The following RNF216 variants were observed in gnomAD, a reference collection of about 807,000 sequenced individuals.
RNF216 encodes E3 ubiquitin-protein ligase RNF216.
RNF216 carries 72 observed loss-of-function variants against 110.8 expected under a neutral mutation model. That is an observed-to-expected ratio of 0.65 (90% CI 0.54 to 0.79). The LOEUF is 0.79. Among genes scored for constraint, RNF216 ranks in the 30% least tolerant of loss-of-function variants. The probability of loss-of-function intolerance (pLI) is 0.00; values close to 1 mark genes in which losing one functional copy is unlikely to be tolerated. For synonymous variants in RNF216, 495 were observed against 407.5 expected (o/e 1.21, Z -2.59); for missense variants, 1,342 against 1,141.2 (o/e 1.18, Z -2.54).
rs555160805 is a variant in RNF216 at position 5,737,317 on chromosome 7, A to C, written c.1121+1959T>G. 1.1e-4 allele frequency among the ~76,000 whole-genome samples: 16 copies of C among 152,232 alleles called. No homozygotes were observed. The South Asian group carries it at 1.2e-3, about 12-fold the overall frequency. On this transcript the variant is annotated intron_variant, in intron 5 of 16. Coordinates refer to ENST00000389902, the MANE Select transcript of RNF216 (RefSeq NM_207111.4). Reference sequence around the variant, plus strand: ...ATGTGCTGTGTTAAACACATGCTTGAAGGCAGCATGCTTGTTAAGAGTCAT... The same window carrying C: ...ATGTGCTGTGTTAAACACATGCTTGCAGGCAGCATGCTTGTTAAGAGTCAT...
At chr7:5,771,496 T>C (rs1264341661) in intron 1 of RNF216, among the ~76,000 whole-genome samples, 1 of 151,988 alleles carries the variant, frequency 6.6e-6, no homozygotes, top group Non-Finnish European at 1.5e-5. Flanking sequence ...GCATGTTAAC[T>C]GAAAAGAAAA....
chr7:5,740,928 T>A, intron 4 of RNF216, 45 bp downstream of exon 4: 4 of 1,449,408 alleles, frequency 2.8e-6, no homozygotes, highest in Non-Finnish European at 2.8e-6. Flanking sequence ...AGAAAAAAAC[T>A]CAGTATATGT....
chr7:5,649,214 A>G (rs1341935667), intron 14 of RNF216, among the ~76,000 whole-genome samples: 1 of 152,038 alleles, frequency 6.6e-6, no homozygotes, highest in African/African-American at 2.4e-5. Context: ...CGACAAAGTA[A>G]AACCCCATCT....
chr7:5,703,265 A>G (rs79134956), intron 13 of RNF216, among the ~76,000 whole-genome samples: 1,580 of 152,356 alleles, frequency 0.01, 25 homozygotes, highest in African/African-American at 0.035. Context: ...CTTCCCTGAT[A>G]GTAGGAACAA....
intron 13 of RNF216, among the ~76,000 whole-genome samples, chr7:5,669,181 G>A (rs765122239): frequency 7.2e-5 from 11 of 152,126 alleles, no homozygotes; most frequent in Admixed American, 5.9e-4. Context: ...ATGGGCGGTC[G>A]GGCTCCAGCT....
chr7:5,685,501 T>C (rs976936515), intron 13 of RNF216, among the ~76,000 whole-genome samples: 2 of 152,300 alleles, frequency 1.3e-5, no homozygotes, highest in East Asian at 1.9e-4. Context: ...CACTAAACAT[T>C]ACAACTTTGA....
intron 9 of RNF216, among the ~76,000 whole-genome samples, chr7:5,720,093 A>C (rs929800481): frequency 1.1e-4 from 17 of 152,362 alleles, no homozygotes; most frequent in African/African-American, 4.1e-4. Flanking sequence ...GCTCTACGAC[A>C]CTGGCCTGAT....
Position 5,721,243 on chromosome 7 carries a change from T to C in RNF216, c.1505-71A>G, listed in dbSNP as rs1793406858. The C allele has an allele frequency of 5.8e-6, 8 of 1,390,268 alleles. 1 individual carries two copies. The South Asian group carries it at 7.2e-5, about 13-fold the overall frequency. 86.1% of individuals were successfully genotyped at this position (1,390,268 alleles called of 1,614,324 possible). A position where few individuals can be genotyped will look rare whatever the true frequency, so the allele number is the denominator to read the frequency against. ...TAGGAACCTGGGCCAGCCATGTCCATTCTTCCCGGCCTCATCCTCCACCTT... is the reference window on the plus strand; with the variant it reads ...TAGGAACCTGGGCCAGCCATGTCCACTCTTCCCGGCCTCATCCTCCACCTT... On this transcript the variant is annotated intron_variant, in intron 8 of 16. Transcript: ENST00000389902.
intron 7 of RNF216, among the ~76,000 whole-genome samples, chr7:5,729,091 C>G (rs920656253): frequency 2.7e-4 from 41 of 152,276 alleles, no homozygotes; most frequent in African/African-American, 9.9e-4. Flanking sequence ...AACTGAGCCA[C>G]CTGGGGGATG....
At chr7:5,638,234 G>GAT (rs1300381314) in intron 15 of RNF216, among the ~76,000 whole-genome samples, 1 of 152,114 alleles carries the variant, frequency 6.6e-6, no homozygotes, top group Middle Eastern at 3.2e-3. Context: ...TTAAAGTGTA[G>GAT]ATATATATAG....
intron 5 of RNF216, among the ~76,000 whole-genome samples, chr7:5,734,087 G>C (rs1392040246): frequency 2.0e-5 from 3 of 152,180 alleles, no homozygotes; most frequent in Non-Finnish European, 2.9e-5. Context: ...AAACAATTCT[G>C]CTGGAAGACA....
At chr7:5,661,559 T>C (rs1233895630) in intron 13 of RNF216, among the ~76,000 whole-genome samples, 1 of 152,146 alleles carries the variant, frequency 6.6e-6, no homozygotes, top group African/African-American at 2.4e-5. Flanking sequence ...TCCAAGCATT[T>C]TGGGAGGCCG....
intron 13 of RNF216, among the ~76,000 whole-genome samples, chr7:5,661,219 C>A (rs1313024820): frequency 1.3e-5 from 2 of 152,168 alleles, no homozygotes; most frequent in African/African-American, 4.8e-5. Flanking sequence ...GGATTACAGG[C>A]ATGAGCCACT....
chr7:5,781,081 T>C (rs1370788587), intron 1 of RNF216, among the ~76,000 whole-genome samples: 1 of 151,994 alleles, frequency 6.6e-6, no homozygotes, highest in African/African-American at 2.4e-5. Flanking sequence ...GCGCTCCAGA[T>C]GTGAGGGAAG....
rs1170889655 is a variant in RNF216 at position 5,621,624 on chromosome 7, CTG to C, written c.*1234_*1235del. ...CCACCCCAATGGTTGTCGGACTCAG[CTG>C]TGTCTGAGGTCTGTGAACTCCCAGC... On this transcript the variant is annotated 3_prime_UTR_variant, in exon 17 of 17. Coordinates refer to ENST00000389902, the MANE Select transcript of RNF216 (RefSeq NM_207111.4). 1 of 152,344 alleles carries C rather than the reference CTG, an allele frequency of 6.6e-6. No individual in the cohort carries two copies. Among genetic ancestry groups the C allele is most frequent in the Non-Finnish European group, 1.5e-5 (1 of 68,136 alleles). 9.4% of individuals were successfully genotyped at this position (152,344 alleles called of 1,614,324 possible). A position where few individuals can be genotyped will look rare whatever the true frequency, so the allele number is the denominator to read the frequency against.
chr7:5,730,836 T>TTA lies in RNF216; in HGVS notation c.1122-21_1122-20dup. ...ACAAAGTCTGCAGAAACAAATGATG[T>TTA]TACTTTCATACTGCTTCCAAATCCC... On this transcript the variant is annotated intron_variant, in intron 5 of 16. Coordinates refer to ENST00000389902, the MANE Select transcript of RNF216 (RefSeq NM_207111.4). The TTA allele has an allele frequency of 6.4e-7, 1 of 1,574,594 alleles. No homozygotes were observed. The highest frequency in any genetic ancestry group is 1.8e-5 in the Admixed American group (1 of 54,100).
At chr7:5,726,814 C>T (rs535456274) in intron 7 of RNF216, among the ~76,000 whole-genome samples, 8 of 151,096 alleles carry the variant, frequency 5.3e-5, no homozygotes, top group East Asian at 1.9e-4. Context: ...GCTGAGATCG[C>T]GCCACTGCAC....
At position 5,639,564 on chromosome 7, in the gene RNF216, A is replaced by G. The variant is rs539357522; in HGVS notation, c.2382+1590T>C. 2.7e-4 allele frequency among the ~76,000 whole-genome samples: 39 copies of G among 145,114 alleles called. No homozygotes were observed. In the South Asian group the frequency reaches 8.0e-3, roughly 30 times the overall value. On this transcript the variant is annotated intron_variant, in intron 15 of 16. Coordinates refer to ENST00000389902, the MANE Select transcript of RNF216 (RefSeq NM_207111.4). The stretch of plus-strand genomic sequence containing the variant: ...CTGCAACCTCCGCCTCCTGGGTTCA[A>G]GCAATTCTTTCTCAGTCTCCTGAGT...
rs190719081 is a variant in RNF216, at chr7:5,738,607, C to G, written c.1121+669G>C. On this transcript the variant is annotated intron_variant, in intron 5 of 16. Transcript: ENST00000389902. The stretch of plus-strand genomic sequence containing the variant: ...CCTGTAGTCCCAGCTACTCGGGAGG[C>G]TGAGGCAGGAGAATGGCCTGAACCT... Among the ~76,000 whole-genome samples, 22 of 147,430 alleles carry G rather than the reference C, an allele frequency of 1.5e-4. No homozygotes were observed. The East Asian group carries it at 2.5e-3, about 17-fold the overall frequency.
Sources: gnomAD v4.1 joint callset for allele counts (sites outside exome capture counted in the v4.1 genomes callset) on GRCh38, gnomAD v4.1.1 for gene constraint, MANE v1.5 for transcripts, NCBI Gene and HGNC (gene_info 2026-07-23, HGNC 2026-07-21) for gene names.